Variants in A2M observed in about 807,000 individuals in gnomAD.
A2M encodes C3 and PZP-like alpha-2-macroglobulin domain-containing protein 5.
A2M carries 128 observed loss-of-function variants against 183.9 expected under a neutral mutation model. That is an observed-to-expected ratio of 0.70 (90% CI 0.60 to 0.81). The LOEUF (loss-of-function observed/expected upper bound fraction) is 0.81. A2M is among the 30% of genes least tolerant of loss of function. The pLI, the probability that A2M is intolerant of heterozygous loss-of-function variation, is 0.00. For missense variants in A2M, 1,495 were observed against 1,787.6 expected, an observed-to-expected ratio of 0.84 and a Z score of 2.95; for synonymous variants, 592 against 670.8, an observed-to-expected ratio of 0.88 and a Z score of 1.81.
chr12:9,077,750 T>C lies in A2M; in HGVS notation c.3227A>G (p.Asp1076Gly). Residue 1076 changes from aspartate to glycine, a missense_variant, in exon 26 of 36, where the codon GAC becomes GGC. Coordinates refer to ENST00000318602, the MANE Select transcript of A2M (RefSeq NM_000014.6). ...ALIWLSQRQK[D>G]NGCFRSSGSL... Reference sequence around the variant, plus strand: ...CCCAGAGCTCCTGAAACAGCCATTGTCCTTCTGCCTCTGGGAGAGCCATAT... The same window carrying C: ...CCCAGAGCTCCTGAAACAGCCATTGCCCTTCTGCCTCTGGGAGAGCCATAT... 6.2e-7 allele frequency: 1 copy of C among 1,614,214 alleles called. No individual in the cohort carries two copies. Among genetic ancestry groups the C allele is most frequent in the Non-Finnish European group, 8.5e-7 (1 of 1,180,022 alleles).
intron 25 of A2M, among the ~76,000 whole-genome samples, chr12:9,078,534 A>G (rs1169689073): frequency 1.3e-5 from 2 of 152,190 alleles, no homozygotes; most frequent in South Asian, 2.1e-4. Flanking sequence ...AGAATGATTT[A>G]TATTCCTTTG....
chr12:9,068,702 G>T (rs1321066983), intron 34 of A2M, 38 bp downstream of exon 34: 1 of 1,451,652 alleles, frequency 6.9e-7, no homozygotes, highest in Non-Finnish European at 9.5e-7. Flanking sequence ...CTGTGATCAG[G>T]AATTAAATAT....
At chr12:9,071,040 G>A (rs1948560299) in intron 31 of A2M, among the ~76,000 whole-genome samples, 1 of 151,866 alleles carries the variant, frequency 6.6e-6, no homozygotes, top group Non-Finnish European at 1.5e-5. Context: ...GGCTGGTCTT[G>A]AACTCCCGAC....
Position 9,115,659 on chromosome 12 carries a change from G to C in A2M, c.86+105C>G, listed in dbSNP as rs1055557014. The C allele has an allele frequency of 4.9e-6, 4 of 822,428 alleles. No individual in the cohort carries two copies. In the Admixed American group the frequency reaches 6.9e-5, roughly 14 times the overall value. 50.9% of individuals were successfully genotyped at this position (822,428 alleles called of 1,614,324 possible). A position where few individuals can be genotyped will look rare whatever the true frequency, so the allele number is the denominator to read the frequency against. On this transcript the variant is annotated intron_variant, in intron 1 of 35. Coordinates refer to ENST00000318602, the MANE Select transcript of A2M (RefSeq NM_000014.6). ...AATCTGGAAGGAATCTTAGAGATAA[G>C]AAGATGACAGTATCATAGGAAAGAA...
chr12:9,092,736 A>T (rs1949250402), intron 18 of A2M, among the ~76,000 whole-genome samples: 1 of 152,232 alleles, frequency 6.6e-6, no homozygotes, highest in Non-Finnish European at 1.5e-5. Flanking sequence ...GGAAACTACC[A>T]TATGTCCCAG....
At chr12:9,081,902 C>A (rs187403704) in intron 22 of A2M, among the ~76,000 whole-genome samples, 1 of 152,328 alleles carries the variant, frequency 6.6e-6, no homozygotes, top group African/African-American at 2.4e-5. Context: ...AGCTATGGCA[C>A]CCATTCAGAG....
In A2M at chr12:9,110,039, T is replaced by C. The variant is rs936659455; in HGVS notation, c.505-4A>G. ...CGATGCGATTTCCTTTGGGATCCTATATGAGTAAATTAATTATAACTTACA... is the reference window on the plus strand; with the variant it reads ...CGATGCGATTTCCTTTGGGATCCTACATGAGTAAATTAATTATAACTTACA... On this transcript the variant is annotated splice_region_variant and splice_polypyrimidine_tract_variant and intron_variant, in intron 5 of 35. Coordinates refer to ENST00000318602, the MANE Select transcript of A2M (RefSeq NM_000014.6). 6.2e-7 allele frequency: 1 copy of C among 1,600,906 alleles called. No individual in the cohort carries two copies. The highest frequency in any genetic ancestry group is 1.3e-5 in the African/African-American group (1 of 74,088).
At chr12:9,076,464 A>G (rs1374662293) in intron 28 of A2M, among the ~76,000 whole-genome samples, 1 of 152,200 alleles carries the variant, frequency 6.6e-6, no homozygotes, top group Non-Finnish European at 1.5e-5. Context: ...TACTATAGAG[A>G]TGGTCCCTGA....
In A2M at chr12:9,095,671, G is replaced by GA; in HGVS notation, c.1880dup (p.Thr628HisfsTer9). 1 of 1,608,524 alleles carries GA rather than the reference G, an allele frequency of 6.2e-7. No homozygotes were observed. The highest frequency in any genetic ancestry group is 8.5e-7 in the Non-Finnish European group (1 of 1,177,000). On this transcript the variant is annotated frameshift_variant, in exon 16 of 36. Transcript: ENST00000318602. LOFTEE classifies it high-confidence loss of function. ...CATTCAAAGGCCCAGGGAAGCCAGT[G>GA]AGGTCCTTTTCTGGTAGCAGGTTGT...
chr12:9,071,425 G>GAA (rs200862130), intron 31 of A2M, among the ~76,000 whole-genome samples: 6 of 151,244 alleles, frequency 4.0e-5, no homozygotes, highest in Admixed American at 1.3e-4. Flanking sequence ...CAAATTAAAT[G>GAA]AAAAAAATAT....
intron 28 of A2M, among the ~76,000 whole-genome samples, chr12:9,075,708 G>A (rs1225679553): frequency 6.6e-6 from 1 of 152,184 alleles, no homozygotes; most frequent in Non-Finnish European, 1.5e-5. Flanking sequence ...CACATGTGAA[G>A]ATTCTAAATA....
chr12:9,095,741 A>ATTT (rs1949356136), intron 15 of A2M, 41 bp from the exon 16 acceptor site: 5 of 437,020 alleles, frequency 1.1e-5, no homozygotes, highest in Admixed American at 9.9e-5. Flanking sequence ...CTTATTTGTG[A>ATTT]CTTTTTTTTT....
Position 9,112,475 on chromosome 12 carries a change from G to A in A2M, c.332C>T (p.Thr111Ile), listed in dbSNP as rs1162834195. The change falls in exon 3 of 36, where the codon ACC (threonine) becomes ATC (isoleucine). Residue 111 changes from threonine (T) to isoleucine (I), a missense_variant. Thr to Ile is a moderately conservative substitution (Grantham distance 89). Transcript: ENST00000318602. ...MFLTVQVKGP[T>I]QEFKKRTTVM... Reference sequence around the variant, plus strand: ...TGTGGTCCGCTTCTTAAATTCTTGGGTTGGTCCTTTCACTTGGACAGTGAG... The same window carrying A: ...TGTGGTCCGCTTCTTAAATTCTTGGATTGGTCCTTTCACTTGGACAGTGAG... 6.2e-7 allele frequency: 1 copy of A among 1,613,806 alleles called. No homozygotes were observed. Among genetic ancestry groups the A allele is most frequent in the Admixed American group, 1.7e-5 (1 of 59,978 alleles).
chr12:9,109,876 C>T lies in A2M; in HGVS notation c.664G>A (p.Glu222Lys). 6.3e-7 allele frequency: 1 copy of T among 1,599,206 alleles called. No individual in the cohort carries two copies. Among genetic ancestry groups the T allele is most frequent in the Non-Finnish European group, 8.5e-7 (1 of 1,174,882 alleles). ...TTTTCATGATCCATACCAAATTCCTCCACGGTGAAAGGGTGCTCTGTCCTT... is the reference window on the plus strand; with the variant it reads ...TTTTCATGATCCATACCAAATTCCTTCACGGTGAAAGGGTGCTCTGTCCTT... ...GGRTEHPFTV[E>K]EFVLPKFEVQ... is the part of the protein sequence containing the mutation. Residue 222 changes from glutamate to lysine, a missense_variant, in exon 6 of 36, where the codon GAG becomes AAG. Transcript: ENST00000318602.
chr12:9,089,365 T>C, intron 21 of A2M, 114 bp from the exon 22 acceptor site: 2 of 785,132 alleles, frequency 2.5e-6, no homozygotes, highest in South Asian at 3.1e-5. Flanking sequence ...AACTGTATTA[T>C]CTAAGAAAAT....
In A2M at chr12:9,098,732, G is replaced by A. The variant is rs1252360790; in HGVS notation, c.1726C>T (p.Gln576Ter). 2.5e-6 allele frequency: 4 copies of A among 1,613,018 alleles called. No homozygotes were observed. Among genetic ancestry groups the A allele is most frequent in the Non-Finnish European group, 3.4e-6 (4 of 1,179,768 alleles). The change falls in exon 15 of 36, where the codon CAA (glutamine) becomes TAA (stop). Residue 576 changes from glutamine to a stop codon, truncating the protein, a stop_gained. Transcript: ENST00000318602. LOFTEE classifies it high-confidence loss of function. Reference sequence around the variant, plus strand: ...TGGGCGTGTGAGGCTGGGAGACTTTGTGATGGGCTGAAGCTCAAATCCACC... The same window carrying A: ...TGGGCGTGTGAGGCTGGGAGACTTTATGATGGGCTGAAGCTCAAATCCACC... Reference protein sequence around the residue: ...NKVDLSFSPSQSLPASHAHLR... With the variant: ...NKVDLSFSPS
In A2M at chr12:9,072,383, C is replaced by T; in HGVS notation, c.4079G>A (p.Ser1360Asn). 1 of 1,613,894 alleles carries T rather than the reference C, an allele frequency of 6.2e-7. No homozygotes were observed. The highest frequency in any genetic ancestry group is 8.5e-7 in the Non-Finnish European group (1 of 1,179,872). Residue 1360 changes from serine (S) to asparagine (N), a missense_variant, in exon 31 of 36, where the codon AGC becomes AAC. Transcript: ENST00000318602. ...CCTGACACTTAGGGAGATTTGGAAG[C>T]TGGTGTGGGCTTTGGGTTCATCACA... ...QTCDEPKAHT[S>N]FQISLSVSYT...
At chr12:9,086,866 A>G (rs1446346585) in intron 22 of A2M, among the ~76,000 whole-genome samples, 1 of 152,212 alleles carries the variant, frequency 6.6e-6, no homozygotes, top group Non-Finnish European at 1.5e-5. Context: ...TGGTGATGAC[A>G]TTATCTTATA....
chr12:9,080,266 C>T lies in A2M; in HGVS notation c.2771-89G>A. 1.0e-5 allele frequency: 8 copies of T among 782,790 alleles called. No individual in the cohort carries two copies. In the South Asian group the frequency reaches 1.2e-4, roughly 12 times the overall value. 48.5% of individuals were successfully genotyped at this position (782,790 alleles called of 1,614,324 possible). A position where few individuals can be genotyped will look rare whatever the true frequency, so the allele number is the denominator to read the frequency against. ...CTATGACCCAGAAGCTAGGACTATGCCTTATACCTAAACTCCTCCTGAAAA... is the reference window on the plus strand; with the variant it reads ...CTATGACCCAGAAGCTAGGACTATGTCTTATACCTAAACTCCTCCTGAAAA... On this transcript the variant is annotated intron_variant, in intron 22 of 35. Coordinates refer to ENST00000318602, the MANE Select transcript of A2M (RefSeq NM_000014.6).
Sources: allele counts gnomAD v4.1 joint callset (sites outside exome capture counted in the v4.1 genomes callset), GRCh38; gene constraint gnomAD v4.1.1; transcripts MANE v1.5; gene names NCBI Gene and HGNC (gene_info 2026-07-23, HGNC 2026-07-21).